Variants in ANKRD31 observed in about 807,000 individuals in gnomAD.
ANKRD31 encodes the protein ankyrin repeat domain 31.
ANKRD31 carries 147 observed loss-of-function variants against 186.0 expected under a neutral mutation model. The ratio of observed to expected loss-of-function variants is 0.79; its 90% CI spans 0.69 to 0.91. The LOEUF (loss-of-function observed/expected upper bound fraction) is 0.91, where lower values mean the gene tolerates loss of function less well. ANKRD31 is among the 40% of genes least tolerant of loss of function. ANKRD31 has a pLI of 0.00. For synonymous variants in ANKRD31, 673 were observed against 736.4 expected (o/e 0.91, Z 1.39); for missense variants, 1,986 against 2,148.8 (o/e 0.92, Z 1.50).
chr5:75,104,830 T>A lies in ANKRD31; in HGVS notation c.4729A>T (p.Lys1577Ter). Reference protein sequence around the residue: ...GEFSGNDMNSKQNGSDCTLDG... With the variant: ...GEFSGNDMNS ...AAGGTACAATCACTGCCATTTTGTT[T>A]AGAATTCATATCATTTCCAGAAAAT... Residue 1577 changes from lysine to a stop codon, truncating the protein, a stop_gained, in exon 22 of 26, where the codon AAA becomes TAA. Transcript: ENST00000506364. LOFTEE classifies it high-confidence loss of function. The A allele has an allele frequency of 6.5e-7, 1 of 1,537,244 alleles. No homozygotes were observed. Among genetic ancestry groups the A allele is most frequent in the Non-Finnish European group, 8.7e-7 (1 of 1,146,900 alleles).
At chr5:75,129,779 G>T (rs1749589190) in intron 17 of ANKRD31, among the ~76,000 whole-genome samples, 1 of 152,192 alleles carries the variant, frequency 6.6e-6, no homozygotes, top group African/African-American at 2.4e-5. Context: ...TCTCACTGGG[G>T]CTTGTCGGAC....
At chr5:75,236,163 C>T (rs1041951151) in intron 1 of ANKRD31, among the ~76,000 whole-genome samples, 1 of 152,162 alleles carries the variant, frequency 6.6e-6, no homozygotes, top group African/African-American at 2.4e-5. Flanking sequence ...GGACCAGTTT[C>T]CCCATCACAC....
rs772079926 is a variant in ANKRD31, at chr5:75,147,041, G to A, written c.2370C>T (p.Ser790=). ...TACTGCTATCTAATCCATTTCTCAG[G>A]CTTGACAGAGTTAAGCTGGAAGGTT... ...LCEPSSLTLS[S]LRNGLDSSTE... Residue 790 remains serine (S), a synonymous_variant, in exon 14 of 26, where the codon AGC becomes AGT. Transcript: ENST00000506364. The A allele has an allele frequency of 7.8e-6, 12 of 1,536,138 alleles. No homozygotes were observed. In the African/African-American group the frequency reaches 1.6e-4, roughly 21 times the overall value.
Position 75,146,369 on chromosome 5 carries a change from T to C in ANKRD31, c.3042A>G (p.Arg1014=), listed in dbSNP as rs763565468. 57 of 1,536,450 alleles carry C rather than the reference T, an allele frequency of 3.7e-5. No homozygotes were observed. Among genetic ancestry groups the C allele is most frequent in the Middle Eastern group, 1.7e-4 (1 of 6,002 alleles). Residue 1014 remains arginine (R), a synonymous_variant, in exon 14 of 26, where the codon AGA becomes AGG. Transcript: ENST00000506364. ...TTGAAGCCTCATGTGTCAAAAGTGT[T>C]CTCATACAAGCCAGGGAATTTTGCT... ...NPEQNSLACM[R]TLLTHEASKL...
intron 22 of ANKRD31, among the ~76,000 whole-genome samples, chr5:75,099,625 T>C (rs894423423): frequency 8.5e-5 from 13 of 152,230 alleles, no homozygotes; most frequent in African/African-American, 1.7e-4. Flanking sequence ...TATTGGTCTA[T>C]TCAGGGATTC....
chr5:75,069,459 A>G (rs1033288306), intron 25 of ANKRD31, among the ~76,000 whole-genome samples: 1 of 152,144 alleles, frequency 6.6e-6, no homozygotes, highest in Non-Finnish European at 1.5e-5. Context: ...ATCTACACCA[A>G]TGAGTGAACA....
At position 75,187,513 on chromosome 5, in the gene ANKRD31, A is replaced by G. The variant is rs139434331; in HGVS notation, c.1564+980T>C. On this transcript the variant is annotated intron_variant, in intron 10 of 25. Coordinates refer to ENST00000506364, the MANE Select transcript of ANKRD31 (RefSeq NM_001372053.1). ...GTTAAGAGAGGCTTGAGAAATCCAT[A>G]AAGTCAAAATTGGCTGCATATAGGG... 5.8e-4 allele frequency among the ~76,000 whole-genome samples: 89 copies of G among 152,152 alleles called. 1 individual carries two copies. The highest frequency in any genetic ancestry group is 2.0e-3 in the African/African-American group (84 of 41,520).
At chr5:75,145,349 C>T (rs1161792048) in intron 14 of ANKRD31, among the ~76,000 whole-genome samples, 1 of 151,970 alleles carries the variant, frequency 6.6e-6, no homozygotes, top group African/African-American at 2.4e-5. Flanking sequence ...AAATGCCCAT[C>T]AATGATAGAC....
chr5:75,154,981 C>T (rs1319970351), intron 11 of ANKRD31, among the ~76,000 whole-genome samples: 2 of 152,096 alleles, frequency 1.3e-5, no homozygotes, highest in African/African-American at 4.8e-5. Flanking sequence ...CTTCTTTTCA[C>T]ACACATATTA....
intron 17 of ANKRD31, among the ~76,000 whole-genome samples, chr5:75,132,155 C>G (rs185728223): frequency 6.6e-6 from 1 of 152,206 alleles, no homozygotes; most frequent in Non-Finnish European, 1.5e-5. Context: ...CAAAGATGGA[C>G]AGAGAATGAC....
At chr5:75,077,752 C>T (rs1306387733) in intron 25 of ANKRD31, among the ~76,000 whole-genome samples, 6 of 151,826 alleles carry the variant, frequency 4.0e-5, no homozygotes, top group Non-Finnish European at 8.8e-5. Context: ...AGTGAAACCC[C>T]GTCTCTACTA....
intron 17 of ANKRD31, among the ~76,000 whole-genome samples, chr5:75,126,008 A>C (rs1749224996): frequency 6.6e-6 from 1 of 151,900 alleles, no homozygotes; most frequent in Admixed American, 6.6e-5. Context: ...ACTTACCAAG[A>C]CTCTTTGGTC....
chr5:75,134,135 G>T (rs71281328), intron 17 of ANKRD31, among the ~76,000 whole-genome samples: 1 of 152,034 alleles, frequency 6.6e-6, no homozygotes, highest in Admixed American at 6.6e-5. Context: ...ACATTCAAAA[G>T]CTAGCAGAAG....
At chr5:75,231,228 C>T (rs1171610745) in intron 1 of ANKRD31, among the ~76,000 whole-genome samples, 1 of 151,440 alleles carries the variant, frequency 6.6e-6, no homozygotes, top group Non-Finnish European at 1.5e-5. Flanking sequence ...CACCACCATG[C>T]CTGGCTATTT....
intron 4 of ANKRD31, among the ~76,000 whole-genome samples, 188 bp from the exon 5 acceptor site, chr5:75,206,675 C>A (rs1315747250): frequency 1.3e-5 from 2 of 151,978 alleles, no homozygotes; most frequent in East Asian, 1.9e-4. Context: ...AGTAACTGCA[C>A]AAATGAAGGA....
chr5:75,074,729 T>C (rs74751776), intron 25 of ANKRD31, among the ~76,000 whole-genome samples: 2 of 151,748 alleles, frequency 1.3e-5, no homozygotes, highest in Admixed American at 1.3e-4. Context: ...AAATAAAAGA[T>C]TTTTTTTTAA....
At chr5:75,082,038 TA>T (rs750574718) in intron 24 of ANKRD31, among the ~76,000 whole-genome samples, 45 of 152,224 alleles carry the variant, frequency 3.0e-4, no homozygotes, top group Non-Finnish European at 1.0e-4. Flanking sequence ...TTCAATTTCT[TA>T]AGCCCTTTAA....
chr5:75,224,482 A>C (rs1757519972), intron 2 of ANKRD31, among the ~76,000 whole-genome samples: 1 of 152,064 alleles, frequency 6.6e-6, no homozygotes, highest in African/African-American at 2.4e-5. Context: ...AATGAGTAGA[A>C]AATGGACATA....
At chr5:75,176,773 A>G (rs1753837603) in intron 10 of ANKRD31, among the ~76,000 whole-genome samples, 1 of 152,196 alleles carries the variant, frequency 6.6e-6, no homozygotes, top group Non-Finnish European at 1.5e-5. Flanking sequence ...TAAAACCACA[A>G]AGATGGGGAA....
Sources: allele counts gnomAD v4.1 joint callset (sites outside exome capture counted in the v4.1 genomes callset), GRCh38; gene constraint gnomAD v4.1.1; transcripts MANE v1.5; gene names NCBI Gene and HGNC (gene_info 2026-07-23, HGNC 2026-07-21).